Variants in LAMA2 observed in about 807,000 individuals in gnomAD.
The protein encoded by LAMA2 is laminin subunit alpha-2.
A neutral mutation model predicts 364.8 loss-of-function variants in LAMA2; 269 were observed. The observed-to-expected ratio is 0.74, with a 90% CI of 0.67 to 0.82. The LOEUF (loss-of-function observed/expected upper bound fraction) is 0.82. Ranked by LOEUF, LAMA2 falls within the 40% of genes least tolerant of loss-of-function variation. The pLI is 0.00. For synonymous variants in LAMA2, 1,379 were observed against 1,370.6 expected (o/e 1.01, Z -0.14); for missense variants, 3,807 against 3,873.2 (o/e 0.98, Z 0.45).
intron 40 of LAMA2, among the ~76,000 whole-genome samples, chr6:129,410,185 A>G (rs1395181442): frequency 2.0e-5 from 3 of 152,210 alleles, no homozygotes; most frequent in African/African-American, 4.8e-5. Flanking sequence ...AAATTATCAC[A>G]TAATCTCCAC....
At chr6:129,129,879 C>A (rs1239383560) in intron 4 of LAMA2, among the ~76,000 whole-genome samples, 3 of 147,760 alleles carry the variant, frequency 2.0e-5, no homozygotes, top group Non-Finnish European at 3.0e-5. Flanking sequence ...AGCCGAGATC[C>A]CGCCACTGCA....
intron 32 of LAMA2, among the ~76,000 whole-genome samples, chr6:129,359,084 G>A (rs1777312899): frequency 6.6e-6 from 1 of 151,800 alleles, no homozygotes; most frequent in Non-Finnish European, 1.5e-5. Flanking sequence ...TGATGGCAAA[G>A]TATAATACAT....
intron 22 of LAMA2, among the ~76,000 whole-genome samples, chr6:129,303,033 G>T (rs533744829): frequency 3.0e-4 from 45 of 152,186 alleles, no homozygotes; most frequent in African/African-American, 1.1e-3. Flanking sequence ...TGAATTGATA[G>T]ATCAATTTGG....
intron 36 of LAMA2, 147 bp downstream of exon 36, chr6:129,391,800 T>C (rs1184237351): frequency 4.7e-6 from 3 of 642,750 alleles, no homozygotes; most frequent in Non-Finnish European, 8.1e-6. Context: ...ATCATCTATC[T>C]ATCTATCTAT....
chr6:129,445,711 G>A lies in LAMA2; in HGVS notation c.6319G>A (p.Asp2107Asn). 1 of 1,613,894 alleles carries A rather than the reference G, an allele frequency of 6.2e-7. No homozygotes were observed. The highest frequency in any genetic ancestry group is 1.1e-5 in the South Asian group (1 of 91,062). ...ATVKNLEQEADRLIDKLKPIK... is the reference protein window; with the variant it reads ...ATVKNLEQEANRLIDKLKPIK... ...TGTCAAAAATTTAGAACAGGAAGCT[G>A]ACCGGCTAATAGATAAACTCAAACC... The change falls in exon 45 of 65, where the codon GAC becomes AAC. Residue 2107 changes from aspartate (D) to asparagine (N), a missense_variant. Around this residue, in one of 3 missense-constraint regions of LAMA2, gnomAD observed 3,333 missense variants for 3,345.7 expected, o/e 1.00. Transcript: ENST00000421865.
intron 1 of LAMA2, among the ~76,000 whole-genome samples, chr6:129,017,922 T>C (rs937129939): frequency 2.0e-5 from 3 of 152,048 alleles, no homozygotes; most frequent in Admixed American, 1.3e-4. Flanking sequence ...TTATGTTAGA[T>C]CTTGTAGGTC....
At chr6:129,307,286 G>C (rs888458020) in intron 22 of LAMA2, among the ~76,000 whole-genome samples, 1 of 152,068 alleles carries the variant, frequency 6.6e-6, no homozygotes, top group African/African-American at 2.4e-5. Context: ...AGCTTTCTCT[G>C]GGCTGTAAGA....
At position 129,306,838 on chromosome 6, in the gene LAMA2, C is replaced by T. The variant is rs1443816456; in HGVS notation, c.3174+5966C>T. On this transcript the variant is annotated intron_variant, in intron 22 of 64. Coordinates refer to ENST00000421865, the MANE Select transcript of LAMA2 (RefSeq NM_000426.4). ...GTATATCTTTTATTTCTCTACTATA[C>T]TCACATTTTTTCATTTATTCTTGAA... Among the ~76,000 whole-genome samples, 12 of 151,962 alleles carry T rather than the reference C, an allele frequency of 7.9e-5. No homozygotes were observed. The East Asian group carries it at 1.4e-3, about 17-fold the overall frequency.
rs991119956 is a variant in LAMA2 at position 129,043,531 on chromosome 6, C to T, written c.113-6387C>T. On this transcript the variant is annotated intron_variant, in intron 1 of 64. Transcript: ENST00000421865. ...ATTTCTTTTTTGCTACAAGAATTTTCGTATGTGTGTATGTCCTTGAGTATA... is the reference window on the plus strand; with the variant it reads ...ATTTCTTTTTTGCTACAAGAATTTTTGTATGTGTGTATGTCCTTGAGTATA... 5.9e-5 allele frequency among the ~76,000 whole-genome samples: 9 copies of T among 151,902 alleles called. No homozygotes were observed. The South Asian group carries it at 1.0e-3, about 18-fold the overall frequency.
chr6:129,103,846 T>C (rs1775666132), intron 4 of LAMA2, among the ~76,000 whole-genome samples: 1 of 152,156 alleles, frequency 6.6e-6, no homozygotes, highest in Admixed American at 6.5e-5. Flanking sequence ...ATATTTTAGA[T>C]AGATTTTTAA....
At position 129,124,156 on chromosome 6, in the gene LAMA2, G is replaced by A. The variant is rs147124515; in HGVS notation, c.640-19745G>A. On this transcript the variant is annotated intron_variant, in intron 4 of 64. Transcript: ENST00000421865. ...GTGGTGTTTTCTTGAAATAATAATC[G>A]TATCTTGGTTAATAGTTGAGATCTA... Among the ~76,000 whole-genome samples the A allele has an allele frequency of 2.2e-3, 328 of 152,076 alleles. 1 individual carries two copies. The highest frequency in any genetic ancestry group is 3.6e-3 in the Non-Finnish European group (243 of 67,996).
At chr6:128,908,229 C>T (rs1777633712) in intron 1 of LAMA2, among the ~76,000 whole-genome samples, 2 of 150,044 alleles carry the variant, frequency 1.3e-5, no homozygotes, top group African/African-American at 4.9e-5. Context: ...CCTCCTTGTA[C>T]CTCTGGTAGA....
chr6:129,012,476 A>T (rs1462043551), intron 1 of LAMA2, among the ~76,000 whole-genome samples: 1 of 152,170 alleles, frequency 6.6e-6, no homozygotes, highest in Non-Finnish European at 1.5e-5. Flanking sequence ...TATTCTGTGG[A>T]TAAAGTATAC....
intron 3 of LAMA2, among the ~76,000 whole-genome samples, chr6:129,081,460 A>G (rs1255736319): frequency 6.6e-6 from 1 of 152,216 alleles, no homozygotes; most frequent in Admixed American, 6.5e-5. Flanking sequence ...AAATGTTTTG[A>G]AGAAAGTTTT....
At position 129,149,007 on chromosome 6, in the gene LAMA2, CAT is replaced by C. The variant is rs1209130981; in HGVS notation, c.939_940del (p.Cys314TrpfsTer3). The C allele has an allele frequency of 5.0e-6, 8 of 1,613,380 alleles. No homozygotes were observed. In the Admixed American group the frequency reaches 1.3e-4, roughly 27 times the overall value. On this transcript the variant is annotated frameshift_variant, in exon 7 of 65. Coordinates refer to ENST00000421865, the MANE Select transcript of LAMA2 (RefSeq NM_000426.4). LOFTEE classifies it high-confidence loss of function. Reference sequence around the variant, plus strand: ...TCTCGCTGTGAGTGTGAGCATAACACATGTGGCGATAGCTGTGATCAGTGCTG... The same window carrying C: ...TCTCGCTGTGAGTGTGAGCATAACACGTGGCGATAGCTGTGATCAGTGCTG...
chr6:129,084,308 T>A lies in LAMA2; in HGVS notation c.397-13865T>A, dbSNP rs1000946084. Among the ~76,000 whole-genome samples the A allele has an allele frequency of 6.6e-5, 10 of 152,290 alleles. No individual in the cohort carries two copies. In the East Asian group the frequency reaches 1.5e-3, roughly 23 times the overall value. On this transcript the variant is annotated intron_variant, in intron 3 of 64. Transcript: ENST00000421865. ...AACCTCCTAAAAAGATTACTGAGAA[T>A]GTAGATATTTAAATGTATTCTGTTC...
chr6:129,088,759 G>A (rs1289184596), intron 3 of LAMA2, among the ~76,000 whole-genome samples: 5 of 151,750 alleles, frequency 3.3e-5, no homozygotes, highest in Non-Finnish European at 5.9e-5. Context: ...CAGACGCAGC[G>A]GCCGGGCAGA....
At chr6:128,951,225 C>G (rs905998797) in intron 1 of LAMA2, among the ~76,000 whole-genome samples, 1 of 151,894 alleles carries the variant, frequency 6.6e-6, no homozygotes, top group Non-Finnish European at 1.5e-5. Context: ...GTACAAGTGA[C>G]TTTAACTCAT....
In LAMA2 at chr6:129,427,785, GC is replaced by G; in HGVS notation, c.5901del (p.Gly1969AlafsTer16). ...TCCTCGGGGTTTATTAAAGGAAGAT[GC>G]CAAAGGCTGTCTTCAGAAAAGCTTC... ...TGPRGLLKED[A>X]KGCLQKSFRI... On this transcript the variant is annotated frameshift_variant, in exon 41 of 65. Transcript: ENST00000421865. LOFTEE classifies it high-confidence loss of function. 6.2e-7 allele frequency: 1 copy of G among 1,613,708 alleles called. No homozygotes were observed. The highest frequency in any genetic ancestry group is 8.5e-7 in the Non-Finnish European group (1 of 1,179,786).
Sources: gnomAD v4.1 joint callset for allele counts (sites outside exome capture counted in the v4.1 genomes callset) on GRCh38, gnomAD v4.1.1 for gene constraint, gnomAD v4.1.1 regional missense constraint, MANE v1.5 for transcripts, NCBI Gene and HGNC (gene_info 2026-07-23, HGNC 2026-07-21) for gene names.